The following SBF2 variants were observed in gnomAD, a reference collection of about 807,000 sequenced individuals.
SBF2 encodes myotubularin-related protein 13.
A neutral mutation model predicts 225.2 loss-of-function variants in SBF2; 112 were observed. The observed-to-expected ratio is 0.50, with a 90% confidence interval of 0.43 to 0.58. The LOEUF (loss-of-function observed/expected upper bound fraction) is 0.58. SBF2 is among the 20% of genes least tolerant of loss of function. The pLI is 0.00. For missense variants in SBF2, 1,996 were observed against 2,206.2 expected, an observed-to-expected ratio of 0.90 and a Z score of 1.91; for synonymous variants, 763 against 773.3, an observed-to-expected ratio of 0.99 and a Z score of 0.22.
chr11:9,959,502 C>T, intron 16 of SBF2: 1 of 822,738 alleles, frequency 1.2e-6, no homozygotes, highest in South Asian at 1.3e-5. Flanking sequence ...TTCGATTGCA[C>T]TTGAAAACTT....
chr11:10,193,544 A>G (rs571184514), intron 2 of SBF2, among the ~76,000 whole-genome samples: 41 of 151,966 alleles, frequency 2.7e-4, no homozygotes, highest in East Asian at 1.7e-3. Flanking sequence ...TAGTAGAGAC[A>G]GCGTTTCACC....
At chr11:10,047,424 A>T (rs1413709187) in intron 2 of SBF2, among the ~76,000 whole-genome samples, 1 of 152,214 alleles carries the variant, frequency 6.6e-6, no homozygotes, top group East Asian at 1.9e-4. Flanking sequence ...ATAGGCAAAG[A>T]GATCAACAAA....
At chr11:10,133,554 A>G (rs1954193730) in intron 2 of SBF2, among the ~76,000 whole-genome samples, 1 of 133,258 alleles carries the variant, frequency 7.5e-6, no homozygotes, top group Non-Finnish European at 1.7e-5. Flanking sequence ...CTGGGTGCTA[A>G]GTCCCCCATT....
chr11:9,792,998 A>C (rs1852858216), intron 33 of SBF2, among the ~76,000 whole-genome samples: 1 of 138,018 alleles, frequency 7.2e-6, no homozygotes, highest in Non-Finnish European at 1.5e-5. Flanking sequence ...GCTGGTCTTG[A>C]ACTCCTGGGG....
intron 1 of SBF2, among the ~76,000 whole-genome samples, chr11:10,267,448 T>C (rs190411891): frequency 1.1e-4 from 16 of 151,482 alleles, no homozygotes; most frequent in African/African-American, 3.9e-4. Context: ...AAAAAAGATG[T>C]GAGAAAATTT....
chr11:9,785,669 C>A (rs898370788), intron 36 of SBF2, among the ~76,000 whole-genome samples: 1 of 152,100 alleles, frequency 6.6e-6, no homozygotes, highest in Admixed American at 6.6e-5. Context: ...CGAGACCAGC[C>A]TGGGCAACAT....
chr11:9,954,822 G>C (rs911259540), intron 16 of SBF2, among the ~76,000 whole-genome samples: 91 of 152,050 alleles, frequency 6.0e-4, no homozygotes, highest in Non-Finnish European at 2.9e-5. Flanking sequence ...TAAGTTTAGA[G>C]AAAGCCTTAA....
At chr11:10,151,164 C>T (rs1002236679) in intron 2 of SBF2, among the ~76,000 whole-genome samples, 10 of 152,160 alleles carry the variant, frequency 6.6e-5, no homozygotes, top group African/African-American at 2.4e-4. Context: ...CATTTGAAAA[C>T]ATCTATGCAT....
At chr11:10,283,689 C>G (rs746529292) in intron 1 of SBF2, among the ~76,000 whole-genome samples, 1 of 151,864 alleles carries the variant, frequency 6.6e-6, no homozygotes, top group African/African-American at 2.4e-5. Context: ...CTGGACAAAT[C>G]TCAGTAAAAG....
intron 2 of SBF2, among the ~76,000 whole-genome samples, chr11:10,128,371 A>C (rs1403613317): frequency 6.6e-6 from 1 of 152,234 alleles, no homozygotes; most frequent in Non-Finnish European, 1.5e-5. Context: ...TTAATCAAAA[A>C]GCTAATATTT....
At chr11:9,808,657 G>C (rs528679535) in intron 31 of SBF2, 46 of 448,556 alleles carry the variant, frequency 1.0e-4, no homozygotes, top group African/African-American at 8.1e-4. Flanking sequence ...GGCTCCATCC[G>C]CAAGCCTGCA....
chr11:10,221,258 C>T (rs898969089), intron 1 of SBF2, among the ~76,000 whole-genome samples: 2 of 151,932 alleles, frequency 1.3e-5, no homozygotes, highest in Non-Finnish European at 2.9e-5. Flanking sequence ...GCTGGGATTA[C>T]AGGCATGAGC....
chr11:9,969,521 T>G (rs1867188581), intron 13 of SBF2, among the ~76,000 whole-genome samples: 1 of 152,206 alleles, frequency 6.6e-6, no homozygotes. Flanking sequence ...TTCTTTCATT[T>G]TTTTCTGCTC....
At chr11:10,083,600 G>C (rs1461144090) in intron 2 of SBF2, among the ~76,000 whole-genome samples, 7 of 152,028 alleles carry the variant, frequency 4.6e-5, no homozygotes, top group African/African-American at 1.7e-4. Context: ...ATTTCTGATA[G>C]AGTCAACAAA....
chr11:9,967,581 G>T (rs1867005994), intron 14 of SBF2, among the ~76,000 whole-genome samples: 1 of 152,046 alleles, frequency 6.6e-6, no homozygotes, highest in South Asian at 2.1e-4. Flanking sequence ...GGAGGAAATG[G>T]GGAGTGACTG....
intron 1 of SBF2, among the ~76,000 whole-genome samples, chr11:10,261,982 T>G (rs920347737): frequency 2.0e-5 from 3 of 152,090 alleles, no homozygotes; most frequent in Non-Finnish European, 4.4e-5. Flanking sequence ...GGGCAGGAAG[T>G]GACTCAGAAG....
chr11:10,295,854 A>G (rs1964511298), upstream of SBF2, among the ~76,000 whole-genome samples: 1 of 152,180 alleles, frequency 6.6e-6, no homozygotes, highest in Non-Finnish European at 1.5e-5. Context: ...TAAGGCAGCT[A>G]TCATATTCCT....
At chr11:10,233,666 A>G (rs1958949975) in intron 1 of SBF2, among the ~76,000 whole-genome samples, 2 of 151,944 alleles carry the variant, frequency 1.3e-5, no homozygotes, top group Non-Finnish European at 2.9e-5. Flanking sequence ...TGAGCCACTC[A>G]GATCTCCTTT....
chr11:10,021,583 C>A (rs1048320519), intron 6 of SBF2, among the ~76,000 whole-genome samples: 2 of 152,074 alleles, frequency 1.3e-5, no homozygotes, highest in African/African-American at 4.8e-5. Flanking sequence ...ACACAGAGAC[C>A]TTTTAAACTG....
Sources: gnomAD v4.1 joint callset for allele counts (sites outside exome capture counted in the v4.1 genomes callset) on GRCh38, gnomAD v4.1.1 for gene constraint, MANE v1.5 for transcripts, NCBI Gene and HGNC (gene_info 2026-07-23, HGNC 2026-07-21) for gene names.